The following POLH variants were observed in gnomAD, a reference collection of about 807,000 sequenced individuals.
POLH encodes DNA polymerase eta transcript.
A neutral mutation model predicts 73.6 loss-of-function variants in POLH; 53 were observed. The ratio of observed to expected loss-of-function variants is 0.72; its 90% CI spans 0.58 to 0.91. The LOEUF is 0.91. Ranked by LOEUF, POLH falls within the 40% of genes least tolerant of loss-of-function variation. The pLI is 0.00. For synonymous variants in POLH, 292 were observed against 308.5 expected (o/e 0.95, Z 0.56); for missense variants, 768 against 865.4 (o/e 0.89, Z 1.41).
chr6:43,618,461 G>A lies in POLH; in HGVS notation c.*3904G>A, dbSNP rs1166524620. 6.6e-6 allele frequency among the ~76,000 whole-genome samples: 1 copy of A among 151,380 alleles called. No individual in the cohort carries two copies. Among genetic ancestry groups the A allele is most frequent in the African/African-American group, 2.4e-5 (1 of 41,202 alleles). On this transcript the variant is annotated 3_prime_UTR_variant, in exon 11 of 11. Coordinates refer to ENST00000372236, the MANE Select transcript of POLH (RefSeq NM_006502.3). The stretch of plus-strand genomic sequence containing the variant: ...GCCACCACGCCCAGCCTATAGTACT[G>A]TATTCTTATTCTCCACTCTTGTGTG...
intron 10 of POLH, among the ~76,000 whole-genome samples, chr6:43,611,265 C>T (rs1235438996): frequency 2.0e-5 from 3 of 152,226 alleles, no homozygotes; most frequent in African/African-American, 7.2e-5. Context: ...ACCAGTTGCA[C>T]TTGGAGAACA....
At chr6:43,579,914 TA>T (rs147153180) in intron 1 of POLH, among the ~76,000 whole-genome samples, 1,645 of 137,428 alleles carry the variant, frequency 0.012, 30 homozygotes, top group African/African-American at 0.047. Context: ...TTTTTTTTTT[TA>T]AATTTATTTT....
At chr6:43,582,578 A>T in intron 2 of POLH, 122 bp downstream of exon 2, 1 of 978,060 alleles carries the variant, frequency 1.0e-6, no homozygotes, top group Non-Finnish European at 1.6e-6. Flanking sequence ...TCCCATCCAG[A>T]GCGCAGTGGC....
At chr6:43,580,721 A>AC (rs1285153635) in intron 1 of POLH, among the ~76,000 whole-genome samples, 1 of 51,022 alleles carries the variant, frequency 2.0e-5, no homozygotes, top group Non-Finnish European at 4.0e-5. Flanking sequence ...GGGGGCCGAC[A>AC]CCCCCACCTC....
chr6:43,604,068 A>T, intron 7 of POLH, 57 bp downstream of exon 7: 1 of 1,413,790 alleles, frequency 7.1e-7, no homozygotes, highest in Admixed American at 1.7e-5. Flanking sequence ...ATATTCAAAT[A>T]TAGACAAAAC....
At chr6:43,586,217 G>C (rs1055605120) in intron 3 of POLH, among the ~76,000 whole-genome samples, 1 of 152,086 alleles carries the variant, frequency 6.6e-6, no homozygotes, top group African/African-American at 2.4e-5. Context: ...GGTGGCTCAC[G>C]CCGGTAATCC....
At chr6:43,586,468 C>G (rs1052450411) in intron 3 of POLH, among the ~76,000 whole-genome samples, 1 of 151,924 alleles carries the variant, frequency 6.6e-6, no homozygotes, top group Admixed American at 6.6e-5. Context: ...GAGACAAGAG[C>G]GAGACTTCAT....
At chr6:43,581,306 C>T (rs1230985074) in intron 1 of POLH, among the ~76,000 whole-genome samples, 1 of 147,300 alleles carries the variant, frequency 6.8e-6, no homozygotes, top group African/African-American at 2.6e-5. Flanking sequence ...GGCGGGCGGG[C>T]AGAGACGCTC....
rs540179212 is a variant in POLH, at chr6:43,577,514, C to T, written c.-5+1074C>T. 4.6e-5 allele frequency among the ~76,000 whole-genome samples: 7 copies of T among 152,148 alleles called. No individual in the cohort carries two copies. The East Asian group carries it at 9.6e-4, about 21-fold the overall frequency. ...AGTATCACATTCTGCCTGTTTTAGG[C>T]GTGGTCGATTGGAATTTATAAGGAA... On this transcript the variant is annotated intron_variant, in intron 1 of 10. Transcript: ENST00000372236.
At chr6:43,581,911 T>C (rs1459491614) in intron 1 of POLH, among the ~76,000 whole-genome samples, 5 of 150,658 alleles carry the variant, frequency 3.3e-5, no homozygotes, top group African/African-American at 1.2e-4. Flanking sequence ...CCTCTCAAGA[T>C]CGAGTGAAAG....
intron 5 of POLH, among the ~76,000 whole-genome samples, chr6:43,600,429 A>AAAG (rs111520001): frequency 0.05 from 7,603 of 151,986 alleles, 631 homozygotes; most frequent in African/African-American, 0.17. Context: ...AAAAAAAAAA[A>AAAG]AGTTCTCAAG....
In POLH at chr6:43,599,278, C is replaced by T. The variant is rs184202669; in HGVS notation, c.660+1413C>T. Among the ~76,000 whole-genome samples, 277 of 152,146 alleles carry T rather than the reference C, an allele frequency of 1.8e-3. 1 individual carries two copies. Among genetic ancestry groups the T allele is most frequent in the Middle Eastern group, 0.01 (3 of 292 alleles). ...TGCTGGGATTACAGGCATGAGCCACCGCGCCCGGCCACGTGCTGAATATTT... is the reference window on the plus strand; with the variant it reads ...TGCTGGGATTACAGGCATGAGCCACTGCGCCCGGCCACGTGCTGAATATTT... On this transcript the variant is annotated intron_variant, in intron 5 of 10. Transcript: ENST00000372236.
chr6:43,590,022 TA>T (rs1055652906), intron 4 of POLH, among the ~76,000 whole-genome samples: 4 of 152,166 alleles, frequency 2.6e-5, no homozygotes, highest in African/African-American at 4.8e-5. Context: ...ACTTGAAGGT[TA>T]ATTTTTTTTT....
Position 43,616,399 on chromosome 6 carries a change from G to A in POLH, c.*1842G>A, listed in dbSNP as rs866869743. ...GCAGGAGCTCAGGAGTTCGAGACCAGCCTGGGCAAGGTGGCAAAACCCCGT... is the reference window on the plus strand; with the variant it reads ...GCAGGAGCTCAGGAGTTCGAGACCAACCTGGGCAAGGTGGCAAAACCCCGT... On this transcript the variant is annotated 3_prime_UTR_variant, in exon 11 of 11. Transcript: ENST00000372236. Among the ~76,000 whole-genome samples the A allele has an allele frequency of 6.6e-6, 1 of 151,202 alleles. No homozygotes were observed. The highest frequency in any genetic ancestry group is 2.4e-5 in the African/African-American group (1 of 41,082).
At position 43,615,362 on chromosome 6, in the gene POLH, A is replaced by ACAAGCATGG. The variant is rs1768254878; in HGVS notation, c.*806_*807insAAGCATGGC. 6.6e-6 allele frequency: 1 copy of ACAAGCATGG among 152,254 alleles called. No individual in the cohort carries two copies. The highest frequency in any genetic ancestry group is 1.5e-5 in the Non-Finnish European group (1 of 68,146). 9.4% of individuals were successfully genotyped at this position (152,254 alleles called of 1,614,324 possible). A position where few individuals can be genotyped will look rare whatever the true frequency, so the allele number is the denominator to read the frequency against. On this transcript the variant is annotated 3_prime_UTR_variant, in exon 11 of 11. Transcript: ENST00000372236. ...CAGATCACGAGGTCAGGAGTTTCAG[A>ACAAGCATGG]CCAATATGGTGAAACCCCATCTCTA... is the stretch of plus-strand genomic sequence containing the variant.
chr6:43,580,995 C>A (rs1764104774), intron 1 of POLH, among the ~76,000 whole-genome samples: 1 of 143,730 alleles, frequency 7.0e-6, no homozygotes, highest in African/African-American at 2.6e-5. Context: ...GGGGGCTGAC[C>A]CCCCCCCACC....
intron 4 of POLH, among the ~76,000 whole-genome samples, chr6:43,592,601 G>A (rs1765587154): frequency 6.6e-6 from 1 of 151,932 alleles, no homozygotes; most frequent in African/African-American, 2.4e-5. Flanking sequence ...TTTTTTAGTA[G>A]AGACGGGGTT....
intron 6 of POLH, 97 bp from the exon 7 acceptor site, chr6:43,603,795 T>C: frequency 8.1e-7 from 1 of 1,230,538 alleles, no homozygotes; most frequent in Non-Finnish European, 1.2e-6. Flanking sequence ...GTCCTGAACC[T>C]TTTGGAGAGC....
rs1768515942 is a variant in POLH at position 43,618,805 on chromosome 6, A to G, written c.*4248A>G. ...ACCATCACGCCTGGCTAATTTTTGT[A>G]TTTTTAGTAGAGATGGGGTTTCGCC... On this transcript the variant is annotated 3_prime_UTR_variant, in exon 11 of 11. Coordinates refer to ENST00000372236, the MANE Select transcript of POLH (RefSeq NM_006502.3). Among the ~76,000 whole-genome samples the G allele has an allele frequency of 6.6e-6, 1 of 151,824 alleles. No homozygotes were observed. Among genetic ancestry groups the G allele is most frequent in the East Asian group, 2.0e-4 (1 of 5,124 alleles).
Sources: gnomAD v4.1 joint callset for allele counts (sites outside exome capture counted in the v4.1 genomes callset) on GRCh38, gnomAD v4.1.1 for gene constraint, MANE v1.5 for transcripts, NCBI Gene and HGNC (gene_info 2026-07-23, HGNC 2026-07-21) for gene names.